The following NRXN3 variants were observed in gnomAD, a reference collection of about 807,000 sequenced individuals.
NRXN3 encodes the protein neurexin III.
NRXN3 carries 32 observed loss-of-function variants against 137.6 expected under a neutral mutation model. That is an observed-to-expected ratio of 0.23 (90% CI 0.18 to 0.31). The LOEUF is 0.31. Ranked by LOEUF, NRXN3 falls within the 10% of genes least tolerant of loss-of-function variation. The probability of loss-of-function intolerance (pLI) is 1.00; values close to 1 mark genes in which losing one functional copy is unlikely to be tolerated. For synonymous variants in NRXN3, 798 were observed against 784.5 expected (o/e 1.02, Z -0.29); for missense variants, 1,574 against 2,062.5 (o/e 0.76, Z 4.59).
chr14:79,103,985 T>C (rs1021414375), intron 15 of NRXN3, among the ~76,000 whole-genome samples: 1 of 152,130 alleles, frequency 6.6e-6, no homozygotes, highest in African/African-American at 2.4e-5. Context: ...CACATATGAA[T>C]AGATTCATGT....
At chr14:78,994,741 A>G (rs1002384727) in intron 15 of NRXN3, among the ~76,000 whole-genome samples, 1 of 152,188 alleles carries the variant, frequency 6.6e-6, no homozygotes, top group Non-Finnish European at 1.5e-5. Context: ...AGCTTCCTGA[A>G]ACTTTGGTGT....
At chr14:78,598,559 C>T (rs1268956781) in intron 4 of NRXN3, among the ~76,000 whole-genome samples, 1 of 152,208 alleles carries the variant, frequency 6.6e-6, no homozygotes, top group Admixed American at 6.5e-5. Context: ...TCTGCTCTCG[C>T]AGTCACACAT....
intron 19 of NRXN3, among the ~76,000 whole-genome samples, chr14:79,769,397 G>A (rs1319977607): frequency 2.0e-5 from 3 of 152,048 alleles, no homozygotes; most frequent in African/African-American, 2.4e-5. Context: ...CCCTCAAAGG[G>A]AAGCCCATCA....
intron 16 of NRXN3, among the ~76,000 whole-genome samples, chr14:79,521,186 G>A (rs1601588730): frequency 6.6e-6 from 1 of 152,026 alleles, no homozygotes; most frequent in African/African-American, 2.4e-5. Context: ...AGATATATTT[G>A]TTCCTGGTCC....
intron 15 of NRXN3, among the ~76,000 whole-genome samples, chr14:79,253,680 G>A (rs2076220513): frequency 6.6e-6 from 1 of 152,166 alleles, no homozygotes; most frequent in African/African-American, 2.4e-5. Context: ...TTTTCACAAG[G>A]CGGCAGGAAA....
chr14:78,760,370 A>G (rs1361348860), intron 8 of NRXN3, among the ~76,000 whole-genome samples: 1 of 150,830 alleles, frequency 6.6e-6, no homozygotes, highest in East Asian at 1.9e-4. Context: ...ACACCATACT[A>G]TTTTAAGAGA....
intron 1 of NRXN3, among the ~76,000 whole-genome samples, chr14:78,196,523 C>G (rs1385196432): frequency 6.6e-6 from 1 of 152,170 alleles, no homozygotes; most frequent in Non-Finnish European, 1.5e-5. Context: ...ATCTCACAGG[C>G]TAGGTGGCAA....
chr14:78,841,982 T>C (rs1393042796), intron 10 of NRXN3, among the ~76,000 whole-genome samples: 2 of 152,150 alleles, frequency 1.3e-5, no homozygotes, highest in Non-Finnish European at 2.9e-5. Context: ...TGCAAAGTAC[T>C]TACGATACTG....
chr14:79,718,162 C>T (rs374263568), intron 19 of NRXN3, among the ~76,000 whole-genome samples: 6 of 152,084 alleles, frequency 3.9e-5, no homozygotes, highest in Admixed American at 2.0e-4. Context: ...GGAAGTTACT[C>T]TAAGGAAGAA....
At chr14:79,825,036 G>A (rs1441010919) in intron 20 of NRXN3, among the ~76,000 whole-genome samples, 1 of 152,076 alleles carries the variant, frequency 6.6e-6, no homozygotes, top group African/African-American at 2.4e-5. Flanking sequence ...TGTATTTGTA[G>A]CATTTAAAAA....
At chr14:79,601,354 C>T (rs767367424) in intron 16 of NRXN3, among the ~76,000 whole-genome samples, 7 of 152,012 alleles carry the variant, frequency 4.6e-5, no homozygotes, top group Non-Finnish European at 7.4e-5. Context: ...TGCCTTGTTT[C>T]TGATGGGAGT....
At chr14:79,531,685 A>G (rs1395946109) in intron 16 of NRXN3, among the ~76,000 whole-genome samples, 2 of 152,198 alleles carry the variant, frequency 1.3e-5, no homozygotes, top group South Asian at 4.1e-4. Context: ...CAATAAAACC[A>G]CTAAGGATGC....
intron 4 of NRXN3, among the ~76,000 whole-genome samples, chr14:78,406,670 G>A (rs1228218858): frequency 2.0e-5 from 3 of 152,316 alleles, no homozygotes; most frequent in South Asian, 4.1e-4. Context: ...AAGTTAAGAT[G>A]CCAGTCTTCT....
rs1326752188 is a variant in NRXN3, at chr14:79,625,191, CT to C, written c.3445-38582del. Among the ~76,000 whole-genome samples the C allele has an allele frequency of 2.0e-5, 3 of 152,262 alleles. No individual in the cohort carries two copies. The East Asian group carries it at 5.8e-4, about 29-fold the overall frequency. ...TTGTTGCAAATGGCAAGATCTCCTT[CT>C]TTTTAAGACTAAATAATATGCCATT... On this transcript the variant is annotated intron_variant, in intron 16 of 20. Coordinates refer to ENST00000335750, the MANE Select transcript of NRXN3 (RefSeq NM_001330195.2).
At chr14:79,719,368 ATGTGTATATATATGTG>A (rs1032789878) in intron 19 of NRXN3, among the ~76,000 whole-genome samples, 5 of 74,892 alleles carry the variant, frequency 6.7e-5, no homozygotes, top group African/African-American at 1.9e-4. Flanking sequence ...TATTGTGTGT[ATGTGTATATATATGTG>A]TGTGTATATA....
At chr14:78,930,231 T>C (rs987722664) in intron 10 of NRXN3, among the ~76,000 whole-genome samples, 3 of 152,180 alleles carry the variant, frequency 2.0e-5, no homozygotes, top group Admixed American at 2.0e-4. Flanking sequence ...AAAGCCAGGC[T>C]TCCTATATGC....
At chr14:79,340,295 G>T (rs904696546) in intron 15 of NRXN3, among the ~76,000 whole-genome samples, 2 of 152,014 alleles carry the variant, frequency 1.3e-5, no homozygotes, top group Admixed American at 6.6e-5. Flanking sequence ...AATAAAATAT[G>T]ACATAGGCTT....
At chr14:79,690,919 C>T (rs1278412608) in intron 17 of NRXN3, among the ~76,000 whole-genome samples, 1 of 152,026 alleles carries the variant, frequency 6.6e-6, no homozygotes, top group African/African-American at 2.4e-5. Flanking sequence ...TGTTTCCAAG[C>T]CACCTGGTTT....
intron 15 of NRXN3, among the ~76,000 whole-genome samples, chr14:79,229,805 G>A (rs967340519): frequency 3.3e-5 from 5 of 152,076 alleles, no homozygotes; most frequent in African/African-American, 4.8e-5. Flanking sequence ...AGCCTGTGCT[G>A]TGTAGATCTA....
Sources: gnomAD v4.1 joint callset for allele counts (sites outside exome capture counted in the v4.1 genomes callset) on GRCh38, gnomAD v4.1.1 for gene constraint, MANE v1.5 for transcripts, NCBI Gene and HGNC (gene_info 2026-07-23, HGNC 2026-07-21) for gene names.